The following DNAH8 variants were observed in gnomAD, a reference collection of about 807,000 sequenced individuals.
DNAH8 encodes the protein axonemal beta dynein heavy chain 8.
Under a neutral mutation model 562.1 loss-of-function variants are expected in DNAH8, and 382 were observed. The ratio of observed to expected loss-of-function variants is 0.68; its 90% CI spans 0.63 to 0.74. DNAH8 has a LOEUF of 0.74. DNAH8 is among the 30% of genes least tolerant of loss of function. The pLI, the probability that DNAH8 is intolerant of heterozygous loss-of-function variation, is 0.00. For missense variants in DNAH8, 5,203 were observed against 5,620.4 expected, an observed-to-expected ratio of 0.93 and a Z score of 2.37; for synonymous variants, 1,881 against 1,919.4, an observed-to-expected ratio of 0.98 and a Z score of 0.52.
chr6:38,780,826 A>T (rs1768511185), intron 15 of DNAH8, among the ~76,000 whole-genome samples: 1 of 152,198 alleles, frequency 6.6e-6, no homozygotes, highest in African/African-American at 2.4e-5. Context: ...ACAAACATGT[A>T]ACCCTGAACT....
intron 22 of DNAH8, 124 bp from the exon 23 acceptor site, chr6:38,805,357 C>T: frequency 1.6e-6 from 1 of 636,612 alleles, no homozygotes; most frequent in South Asian, 1.7e-5. Flanking sequence ...AAGCATTTTT[C>T]AAAAAACAGT....
intron 3 of DNAH8, among the ~76,000 whole-genome samples, chr6:38,727,212 C>A (rs188644885): frequency 6.6e-6 from 1 of 152,282 alleles, no homozygotes; most frequent in Non-Finnish European, 1.5e-5. Context: ...ATGAAAGCAG[C>A]TCAGTAAAGG....
At position 38,936,024 on chromosome 6, in the gene DNAH8, ATTTTT is replaced by A. The variant is rs397958545; in HGVS notation, c.11563+339_11563+343del. Among the ~76,000 whole-genome samples the A allele has an allele frequency of 1.5e-3, 215 of 140,114 alleles. 1 individual carries two copies. The highest frequency in any genetic ancestry group is 5.4e-3 in the African/African-American group (206 of 38,228). The allele number at this position is 140,114 out of a possible 152,430, so 91.9% of individuals were successfully genotyped here. On this transcript the variant is annotated intron_variant, in intron 77 of 92. Transcript: ENST00000327475. Reference sequence around the variant, plus strand: ...CCAAAGAAACTAATGTGCTCAATCTATTTTTTTTTTTTTTTTGAGACAGAGTCTTG... The same window carrying A: ...CCAAAGAAACTAATGTGCTCAATCTATTTTTTTTTTTGAGACAGAGTCTTG...
chr6:38,757,213 C>G (rs1766002701), intron 10 of DNAH8, among the ~76,000 whole-genome samples: 1 of 151,678 alleles, frequency 6.6e-6, no homozygotes, highest in Admixed American at 6.6e-5. Flanking sequence ...GATCGCCATT[C>G]TAACTGGTGT....
Position 38,822,924 on chromosome 6 carries a change from C to T in DNAH8, c.3610C>T (p.Leu1204=), listed in dbSNP as rs776333279. 1 of 1,613,546 alleles carries T rather than the reference C, an allele frequency of 6.2e-7. No individual in the cohort carries two copies. The highest frequency in any genetic ancestry group is 1.1e-5 in the South Asian group (1 of 90,960). ...GCACAAGGATATTTCTAAGTTGGTC[C>T]TGCTCCTTTCTTCCTCTGTAAATTC... The part of the protein sequence containing the change: ...AEHKDISKLV[L]LLSSSVNSLR... The change falls in exon 27 of 93, where the codon CTG becomes TTG. Residue 1204 remains leucine (L), a synonymous_variant. Coordinates refer to ENST00000327475, the MANE Select transcript of DNAH8 (RefSeq NM_001206927.2).
chr6:38,862,416 T>G lies in DNAH8; in HGVS notation c.6268T>G (p.Ser2090Ala). 1 of 1,614,096 alleles carries G rather than the reference T, an allele frequency of 6.2e-7. No individual in the cohort carries two copies. Among genetic ancestry groups the G allele is most frequent in the Non-Finnish European group, 8.5e-7 (1 of 1,179,962 alleles). Residue 2090 changes from serine (S) to alanine (A), a missense_variant, in exon 44 of 93, where the codon TCA becomes GCA. Physicochemically the swap from Ser to Ala is moderately conservative, Grantham distance 99. Around this residue, in one of 6 missense-constraint regions of DNAH8, gnomAD observed 2,176 missense variants for 2,365.1 expected, o/e 0.92. Coordinates refer to ENST00000327475, the MANE Select transcript of DNAH8 (RefSeq NM_001206927.2). Reference protein sequence around the residue: ...LGKYVVVFNCSDQMDFRGLGR... With the variant: ...LGKYVVVFNCADQMDFRGLGR... ...AAAATATGTGGTCGTGTTCAATTGCTCAGATCAAATGGATTTCAGAGGCCT... is the reference window on the plus strand; with the variant it reads ...AAAATATGTGGTCGTGTTCAATTGCGCAGATCAAATGGATTTCAGAGGCCT...
chr6:38,842,320 TA>T, intron 33 of DNAH8, 47 bp from the exon 34 acceptor site: 2 of 1,484,840 alleles, frequency 1.3e-6, no homozygotes, highest in Non-Finnish European at 1.8e-6. Context: ...TAATGGACTT[TA>T]TTAAATATTA....
Position 39,008,882 on chromosome 6 carries a change from G to A in DNAH8, c.13283G>A (p.Gly4428Asp). ...ITNIQPKESG[G>D]GVGETREAIV... ...AACATTCAACCCAAAGAGAGTGGAG[G>A]TGGTGTGGGAGAGACCCGGGAGGCT... The change falls in exon 89 of 93, where the codon GGT becomes GAT. Residue 4428 changes from glycine to aspartate, a missense_variant. Gly to Asp is a moderately conservative substitution (Grantham distance 94). This residue lies in a region of DNAH8 where 1,399 missense variants were observed against 1,518.4 expected (regional missense o/e 0.92). Coordinates refer to ENST00000327475, the MANE Select transcript of DNAH8 (RefSeq NM_001206927.2). The A allele has an allele frequency of 6.2e-7, 1 of 1,606,686 alleles. No individual in the cohort carries two copies. Among genetic ancestry groups the A allele is most frequent in the Non-Finnish European group, 8.5e-7 (1 of 1,173,374 alleles).
chr6:38,895,108 G>T (rs1779591423), intron 59 of DNAH8, among the ~76,000 whole-genome samples: 1 of 151,694 alleles, frequency 6.6e-6, no homozygotes, highest in South Asian at 2.1e-4. Flanking sequence ...TGTTGTTGTT[G>T]TTGTATTTTT....
At chr6:38,892,532 G>T (rs1779408258) in intron 58 of DNAH8, among the ~76,000 whole-genome samples, 1 of 151,872 alleles carries the variant, frequency 6.6e-6, no homozygotes, top group Admixed American at 6.6e-5. Context: ...GAATCTCAGT[G>T]ACCTCCCCTT....
intron 8 of DNAH8, 25 bp from the exon 9 acceptor site, chr6:38,750,451 G>A (rs1765339874): frequency 5.9e-6 from 9 of 1,522,944 alleles, no homozygotes; most frequent in Non-Finnish European, 8.2e-6. Flanking sequence ...ATGTTTCATA[G>A]AATTCTTATA....
chr6:38,756,943 C>T (rs1003288356), intron 10 of DNAH8, among the ~76,000 whole-genome samples: 2 of 151,860 alleles, frequency 1.3e-5, no homozygotes, highest in African/African-American at 4.8e-5. Context: ...GGCTTGGTTC[C>T]AAGTCTTTGC....
At chr6:38,932,100 T>A in intron 76 of DNAH8, 107 bp downstream of exon 76, 1 of 783,050 alleles carries the variant, frequency 1.3e-6, no homozygotes, top group Non-Finnish European at 1.9e-6. Context: ...AAAACCATAT[T>A]TATCCTTGTT....
chr6:38,765,450 C>T (rs1034224359), intron 11 of DNAH8, among the ~76,000 whole-genome samples: 1 of 152,108 alleles, frequency 6.6e-6, no homozygotes, highest in Non-Finnish European at 1.5e-5. Flanking sequence ...CATGTTTAAT[C>T]CACTTTAGGT....
At chr6:38,732,628 A>G (rs1004524242) in intron 4 of DNAH8, among the ~76,000 whole-genome samples, 1 of 152,220 alleles carries the variant, frequency 6.6e-6, no homozygotes. Context: ...GCATTTCCAC[A>G]GATTTCAGGG....
intron 79 of DNAH8, among the ~76,000 whole-genome samples, chr6:38,945,197 A>G (rs2150614428): frequency 6.6e-6 from 1 of 152,316 alleles, no homozygotes; most frequent in East Asian, 1.9e-4. Flanking sequence ...TAAAAAGCAA[A>G]CAAATATAAT....
chr6:38,922,584 C>G (rs540380216), intron 71 of DNAH8, among the ~76,000 whole-genome samples: 1 of 152,064 alleles, frequency 6.6e-6, no homozygotes, highest in Non-Finnish European at 1.5e-5. Flanking sequence ...GTGTTTAGCA[C>G]CAGCTCACAA....
chr6:38,917,617 A>G (rs1781408106), intron 69 of DNAH8, among the ~76,000 whole-genome samples: 1 of 152,214 alleles, frequency 6.6e-6, no homozygotes, highest in African/African-American at 2.4e-5. Flanking sequence ...ACCGGTGGCT[A>G]GTATTGGCAC....
chr6:38,919,494 G>A (rs988595083), intron 70 of DNAH8, among the ~76,000 whole-genome samples: 1 of 151,938 alleles, frequency 6.6e-6, no homozygotes, highest in African/African-American at 2.4e-5. Flanking sequence ...GTCCCGAGTA[G>A]GCATAAATTA....
Sources: gnomAD v4.1 joint callset for allele counts (sites outside exome capture counted in the v4.1 genomes callset) on GRCh38, gnomAD v4.1.1 for gene constraint, gnomAD v4.1.1 regional missense constraint, MANE v1.5 for transcripts, NCBI Gene and HGNC (gene_info 2026-07-23, HGNC 2026-07-21) for gene names.